The following PXDNL variants were observed in gnomAD, a reference collection of about 807,000 sequenced individuals.
PXDNL encodes peroxidasin like.
A neutral mutation model predicts 150.8 loss-of-function variants in PXDNL; 145 were observed. That is an observed-to-expected ratio of 0.96 (90% CI 0.84 to 1.10). The LOEUF (loss-of-function observed/expected upper bound fraction) is 1.10, where lower values mean the gene tolerates loss of function less well. PXDNL is among the 50% of genes least tolerant of loss of function. PXDNL has a pLI of 0.00. For missense variants in PXDNL, 2,087 were observed against 1,873.9 expected (o/e 1.11, Z -2.10); for synonymous variants, 757 against 725.7 (o/e 1.04, Z -0.69).
At chr8:51,739,737 AT>A (rs1208919473) in intron 1 of PXDNL, among the ~76,000 whole-genome samples, 1 of 152,094 alleles carries the variant, frequency 6.6e-6, no homozygotes, top group African/African-American at 2.4e-5. Context: ...TTAGCTGGGC[AT>A]GGTGGCAGGC....
At chr8:51,561,765 T>C (rs188263382) in intron 3 of PXDNL, among the ~76,000 whole-genome samples, 13 of 151,984 alleles carry the variant, frequency 8.6e-5, no homozygotes, top group African/African-American at 3.1e-4. Context: ...AGTTTCAGTT[T>C]TGCAAGATTA....
intron 1 of PXDNL, among the ~76,000 whole-genome samples, chr8:51,658,986 A>C (rs1475619896): frequency 1.2e-5 from 1 of 82,946 alleles, no homozygotes; most frequent in Admixed American, 1.3e-4. Context: ...CTCCTTGTAC[A>C]CTTGAAAAAA....
intron 3 of PXDNL, among the ~76,000 whole-genome samples, chr8:51,591,247 CTG>C (rs1256850701): frequency 1.3e-5 from 2 of 152,162 alleles, no homozygotes; most frequent in Non-Finnish European, 2.9e-5. Context: ...ATTACCTAGT[CTG>C]TGGTATTCTG....
chr8:51,664,103 G>C (rs1815331624), intron 1 of PXDNL, among the ~76,000 whole-genome samples: 2 of 151,372 alleles, frequency 1.3e-5, no homozygotes, highest in Admixed American at 1.3e-4. Flanking sequence ...GGTTTGATCT[G>C]TCCTGAACGT....
intron 5 of PXDNL, among the ~76,000 whole-genome samples, chr8:51,486,876 C>T (rs893539353): frequency 7.4e-6 from 1 of 134,612 alleles, no homozygotes; most frequent in African/African-American, 2.8e-5. Flanking sequence ...TCTTGGCTCA[C>T]TGAAACCTCC....
intron 1 of PXDNL, among the ~76,000 whole-genome samples, chr8:51,699,317 G>A (rs1271732360): frequency 6.6e-6 from 1 of 152,150 alleles, no homozygotes. Flanking sequence ...TTATGTTATA[G>A]AGATGGCTTT....
At chr8:51,566,134 T>C (rs996446539) in intron 3 of PXDNL, among the ~76,000 whole-genome samples, 1 of 151,934 alleles carries the variant, frequency 6.6e-6, no homozygotes, top group Non-Finnish European at 1.5e-5. Context: ...TTGAACCACC[T>C]TTGTATACCT....
chr8:51,437,140 T>G (rs1274138424), intron 12 of PXDNL, among the ~76,000 whole-genome samples: 1 of 152,124 alleles, frequency 6.6e-6, no homozygotes, highest in African/African-American at 2.4e-5. Context: ...CCTTCCTAGA[T>G]TAAACCAGGA....
intron 2 of PXDNL, among the ~76,000 whole-genome samples, chr8:51,610,226 T>C (rs1266976710): frequency 2.6e-5 from 4 of 152,178 alleles, no homozygotes; most frequent in Non-Finnish European, 5.9e-5. Flanking sequence ...AAGAAGCCTG[T>C]GCCATTTGGG....
chr8:51,640,211 A>T (rs1314439519), intron 2 of PXDNL, among the ~76,000 whole-genome samples: 1 of 152,202 alleles, frequency 6.6e-6, no homozygotes, highest in Non-Finnish European at 1.5e-5. Context: ...TCTCAAAATA[A>T]TAAGAGCTAT....
intron 4 of PXDNL, among the ~76,000 whole-genome samples, chr8:51,523,809 A>G (rs1049631841): frequency 3.4e-4 from 52 of 152,186 alleles, no homozygotes; most frequent in Non-Finnish European, 1.2e-4. Flanking sequence ...ACAGAAGAAT[A>G]TTAATTGATT....
At chr8:51,726,771 C>T (rs1181009743) in intron 1 of PXDNL, among the ~76,000 whole-genome samples, 2 of 802 alleles carry the variant, frequency 2.5e-3, no homozygotes, top group African/African-American at 3.5e-3. Flanking sequence ...CCACTAAAAG[C>T]TTATTTAAAA....
At chr8:51,624,622 G>A (rs949498198) in intron 2 of PXDNL, among the ~76,000 whole-genome samples, 2 of 149,334 alleles carry the variant, frequency 1.3e-5, no homozygotes, top group African/African-American at 4.9e-5. Flanking sequence ...AAATAAAAGT[G>A]TTTAGAGCCT....
intron 4 of PXDNL, among the ~76,000 whole-genome samples, chr8:51,530,110 TGTG>T (rs1468136695): frequency 1.3e-5 from 2 of 152,058 alleles, no homozygotes; most frequent in African/African-American, 4.8e-5. Context: ...CAAGGGGAGA[TGTG>T]GGGTTGGCAG....
chr8:51,656,979 C>T (rs1815162920), intron 1 of PXDNL, among the ~76,000 whole-genome samples: 1 of 114,646 alleles, frequency 8.7e-6, no homozygotes, highest in Non-Finnish European at 2.2e-5. Flanking sequence ...GCAGATACTC[C>T]TTGACTTATG....
intron 19 of PXDNL, among the ~76,000 whole-genome samples, chr8:51,364,994 G>A (rs999577863): frequency 6.6e-6 from 1 of 152,154 alleles, no homozygotes; most frequent in Admixed American, 6.5e-5. Flanking sequence ...AGGTTGGAGT[G>A]CAGTGGCATG....
chr8:51,530,267 AG>A (rs1368035042), intron 4 of PXDNL, among the ~76,000 whole-genome samples: 1 of 152,170 alleles, frequency 6.6e-6, no homozygotes, highest in Non-Finnish European at 1.5e-5. Flanking sequence ...AAAGGGATCT[AG>A]CGAGTGATTT....
chr8:51,425,787 A>G (rs900855260), intron 13 of PXDNL, among the ~76,000 whole-genome samples: 2 of 151,668 alleles, frequency 1.3e-5, no homozygotes, highest in Admixed American at 6.6e-5. Context: ...GCGCCACTGC[A>G]CTCCAGCCTG....
intron 12 of PXDNL, chr8:51,436,598 G>A (rs549657618): frequency 3.1e-4 from 63 of 202,814 alleles, no homozygotes; most frequent in African/African-American, 1.4e-3. Context: ...TAAACAATCT[G>A]CTCCTGAATG....
Sources: allele counts gnomAD v4.1 joint callset (sites outside exome capture counted in the v4.1 genomes callset), GRCh38; gene constraint gnomAD v4.1.1; transcripts MANE v1.5; gene names NCBI Gene and HGNC (gene_info 2026-07-23, HGNC 2026-07-21).